The following CDC14B variants were observed in gnomAD, a reference collection of about 807,000 sequenced individuals.
The protein encoded by CDC14B is dual specificity protein phosphatase CDC14B.
In CDC14B, 22 loss-of-function variants were observed where a neutral mutation model predicts 64.2. That is an observed-to-expected ratio of 0.34 (90% CI 0.24 to 0.49). CDC14B has a LOEUF of 0.49. Ranked by LOEUF, CDC14B falls within the 20% of genes least tolerant of loss-of-function variation. The pLI is 0.99. For synonymous variants in CDC14B, 191 were observed against 215.8 expected, an observed-to-expected ratio of 0.89 and a Z score of 1.01; for missense variants, 498 against 629.9, an observed-to-expected ratio of 0.79 and a Z score of 2.24.
In CDC14B at chr9:96,532,831, A is replaced by G. The variant is rs972281400; in HGVS notation, c.946+1096T>C. Among the ~76,000 whole-genome samples the G allele has an allele frequency of 2.0e-5, 3 of 152,012 alleles. No individual in the cohort carries two copies. The South Asian group carries it at 6.2e-4, about 31-fold the overall frequency. On this transcript the variant is annotated intron_variant, in intron 9 of 13. Coordinates refer to ENST00000375241, the MANE Select transcript of CDC14B (RefSeq NM_033331.4). The stretch of plus-strand genomic sequence containing the variant: ...CTTTTATGTGTTCTTTTTATAACTG[A>G]TATTAGTATTTCTTCATAAATCGTT...
At chr9:96,591,317 A>T (rs1238886828) in intron 1 of CDC14B, among the ~76,000 whole-genome samples, 2 of 152,226 alleles carry the variant, frequency 1.3e-5, no homozygotes, top group East Asian at 1.9e-4. Context: ...ATTCTCTTGC[A>T]GGTGGACATC....
At chr9:96,561,868 C>A (rs1843257185) in intron 4 of CDC14B, among the ~76,000 whole-genome samples, 1 of 152,056 alleles carries the variant, frequency 6.6e-6, no homozygotes, top group South Asian at 2.1e-4. Flanking sequence ...CATCCCCTGG[C>A]TACTCCCCAC....
chr9:96,598,782 T>C (rs534700187), intron 1 of CDC14B, among the ~76,000 whole-genome samples: 11 of 152,264 alleles, frequency 7.2e-5, no homozygotes, highest in Non-Finnish European at 1.0e-4. Context: ...TCTGTATATA[T>C]GTGAAATGAC....
intron 4 of CDC14B, 120 bp from the exon 5 acceptor site, chr9:96,551,992 A>G: frequency 7.8e-7 from 1 of 1,283,836 alleles, no homozygotes; most frequent in South Asian, 1.6e-5. Flanking sequence ...AGCCTTCCCC[A>G]GGAGCCTAGG....
chr9:96,561,501 C>A lies in CDC14B; in HGVS notation c.420+1192G>T, dbSNP rs547567614. Among the ~76,000 whole-genome samples, 32 of 151,900 alleles carry A rather than the reference C, an allele frequency of 2.1e-4. No homozygotes were observed. In the South Asian group the frequency reaches 6.2e-3, roughly 30 times the overall value. ...ACAACCCTGTTTTTCTTTTTTGAGACGGAGTCTCGCTCTGTCGCCCAGGCT... is the reference window on the plus strand; with the variant it reads ...ACAACCCTGTTTTTCTTTTTTGAGAAGGAGTCTCGCTCTGTCGCCCAGGCT... On this transcript the variant is annotated intron_variant, in intron 4 of 13. Coordinates refer to ENST00000375241, the MANE Select transcript of CDC14B (RefSeq NM_033331.4).
chr9:96,592,128 G>A (rs1307205027), intron 1 of CDC14B, among the ~76,000 whole-genome samples: 1 of 152,136 alleles, frequency 6.6e-6, no homozygotes, highest in Admixed American at 6.5e-5. Context: ...GCCCAGGCTG[G>A]AGTACAGTGG....
At chr9:96,605,410 T>A (rs781066868) in intron 1 of CDC14B, among the ~76,000 whole-genome samples, 1 of 152,114 alleles carries the variant, frequency 6.6e-6, no homozygotes, top group Non-Finnish European at 1.5e-5. Context: ...CATATAAATA[T>A]CCCACGCCCT....
intron 8 of CDC14B, 117 bp downstream of exon 8, chr9:96,534,338 C>A: frequency 2.5e-6 from 2 of 813,976 alleles, no homozygotes; most frequent in East Asian, 2.6e-5. Context: ...CTGAAGTGAC[C>A]AAGTATGCTT....
At chr9:96,579,061 T>C (rs1338347474) in intron 1 of CDC14B, among the ~76,000 whole-genome samples, 1 of 151,906 alleles carries the variant, frequency 6.6e-6, no homozygotes, top group African/African-American at 2.4e-5. Context: ...CAGGTGATCC[T>C]CCCGCCTTGG....
chr9:96,543,856 CTG>C (rs1272711515), intron 5 of CDC14B, among the ~76,000 whole-genome samples: 2 of 152,204 alleles, frequency 1.3e-5, no homozygotes, highest in Non-Finnish European at 2.9e-5. Context: ...GGTCTTCACA[CTG>C]TAATATTTCT....
chr9:96,601,839 C>T (rs1846497831), intron 1 of CDC14B, among the ~76,000 whole-genome samples: 1 of 141,210 alleles, frequency 7.1e-6, no homozygotes, highest in East Asian at 2.1e-4. Flanking sequence ...GTGGGCTGAT[C>T]ACAAGGTCAG....
intron 1 of CDC14B, among the ~76,000 whole-genome samples, chr9:96,578,028 T>C (rs1564367153): frequency 6.6e-6 from 1 of 152,220 alleles, no homozygotes; most frequent in African/African-American, 2.4e-5. Flanking sequence ...TCCATTTATG[T>C]AGATTTGAAA....
rs1312807411 is a variant in CDC14B at position 96,500,688 on chromosome 9, A to G, written c.*3065T>C. The G allele has an allele frequency of 2.0e-5, 3 of 152,602 alleles. No individual in the cohort carries two copies. The highest frequency in any genetic ancestry group is 4.4e-5 in the Non-Finnish European group (3 of 68,040). 9.5% of individuals were successfully genotyped at this position (152,602 alleles called of 1,614,324 possible). A position where few individuals can be genotyped will look rare whatever the true frequency, so the allele number is the denominator to read the frequency against. On this transcript the variant is annotated 3_prime_UTR_variant, in exon 14 of 14. Coordinates refer to ENST00000375241, the MANE Select transcript of CDC14B (RefSeq NM_033331.4). The stretch of plus-strand genomic sequence containing the variant: ...AGAGAACATTTAAAGGAACAATAAA[A>G]TAGGTTTTAAAAGTTGCTTTTGATG...
intron 12 of CDC14B, among the ~76,000 whole-genome samples, chr9:96,518,738 G>A (rs1836154767): frequency 6.6e-6 from 1 of 152,200 alleles, no homozygotes; most frequent in Admixed American, 6.5e-5. Flanking sequence ...ACTCTCTACC[G>A]ATCCCAGCCT....
chr9:96,572,202 T>C (rs1844519244), intron 1 of CDC14B, among the ~76,000 whole-genome samples: 1 of 152,192 alleles, frequency 6.6e-6, no homozygotes, highest in Non-Finnish European at 1.5e-5. Context: ...TGTTTATCTG[T>C]ATCCTTTAAA....
chr9:96,540,895 G>A (rs1217472153), intron 6 of CDC14B, among the ~76,000 whole-genome samples: 1 of 152,088 alleles, frequency 6.6e-6, no homozygotes, highest in Non-Finnish European at 1.5e-5. Context: ...ACAGTCACTG[G>A]GCTCAAATCC....
chr9:96,507,329 A>C (rs968673338), intron 13 of CDC14B, among the ~76,000 whole-genome samples: 4 of 151,450 alleles, frequency 2.6e-5, no homozygotes, highest in Non-Finnish European at 5.9e-5. Context: ...AAAAAAAAAA[A>C]GCCTGAGCAC....
downstream of CDC14B, among the ~76,000 whole-genome samples, chr9:96,499,734 C>T (rs548211537): frequency 5.3e-5 from 8 of 152,188 alleles, no homozygotes; most frequent in East Asian, 1.9e-4. Flanking sequence ...ACTTTAACGA[C>T]GTGGTGAAGT....
Position 96,541,874 on chromosome 9 carries a change from A to C in CDC14B, c.516T>G (p.Ser172Arg). The change falls in exon 6 of 14, where the codon AGT becomes AGG. Residue 172 changes from serine to arginine, a missense_variant. By Grantham distance (110) the Ser-to-Arg change is moderately radical. Coordinates refer to ENST00000375241, the MANE Select transcript of CDC14B (RefSeq NM_033331.4). ...CAAGAAGTGTAATGTAGAAATTGCA[A>C]CTTCCATAGGCAGCATCTCTGAAAC... Reference protein sequence around the residue: ...YIPFRDAAYGSCNFYITLLDC... With the variant: ...YIPFRDAAYGRCNFYITLLDC... 1.2e-6 allele frequency: 2 copies of C among 1,609,462 alleles called. No individual in the cohort carries two copies. The highest frequency in any genetic ancestry group is 1.7e-6 in the Non-Finnish European group (2 of 1,176,896).
Sources: gnomAD v4.1 joint callset for allele counts (sites outside exome capture counted in the v4.1 genomes callset) on GRCh38, gnomAD v4.1.1 for gene constraint, MANE v1.5 for transcripts, NCBI Gene and HGNC (gene_info 2026-07-23, HGNC 2026-07-21) for gene names.